The following EPN2 variants were observed in gnomAD, a reference collection of about 807,000 sequenced individuals.
EPN2 encodes the protein epsin 2, also known as epsin-2.
A neutral mutation model predicts 61.7 loss-of-function variants in EPN2; 34 were observed. The ratio of observed to expected loss-of-function variants is 0.55; its 90% CI spans 0.42 to 0.73. The LOEUF (loss-of-function observed/expected upper bound fraction) is 0.73, where lower values mean the gene tolerates loss of function less well. Among genes scored for constraint, EPN2 ranks in the 30% least tolerant of loss-of-function variants. EPN2 has a pLI of 0.00. For synonymous variants in EPN2, 349 were observed against 353.6 expected, an observed-to-expected ratio of 0.99 and a Z score of 0.15; for missense variants, 714 against 839.2, an observed-to-expected ratio of 0.85 and a Z score of 1.84.
chr17:19,250,120 G>T (rs1284936736), intron 1 of EPN2, among the ~76,000 whole-genome samples: 2 of 150,812 alleles, frequency 1.3e-5, no homozygotes, highest in Non-Finnish European at 1.5e-5. Context: ...TTCAGACGGA[G>T]CCTCTCTCTG....
chr17:19,260,868 A>G (rs1473860765), intron 1 of EPN2, among the ~76,000 whole-genome samples: 1 of 152,064 alleles, frequency 6.6e-6, no homozygotes, highest in Non-Finnish European at 1.5e-5. Context: ...GAAAGATAGC[A>G]TTCTGTGTGT....
Position 19,283,125 on chromosome 17 carries a change from G to T in EPN2, c.6G>T (p.Thr2=). 1 of 1,603,666 alleles carries T rather than the reference G, an allele frequency of 6.2e-7. No homozygotes were observed. The highest frequency in any genetic ancestry group is 1.1e-5 in the South Asian group (1 of 89,894). Reference sequence around the variant, plus strand: ...TTATAACAAAGAAAATAAAAATGACGACTTCGTCTATCAGACGGCAGATGA... The same window carrying T: ...TTATAACAAAGAAAATAAAAATGACTACTTCGTCTATCAGACGGCAGATGA... M[T]TSSIRRQMKN... Residue 2 remains threonine, a synonymous_variant, in exon 3 of 11, where the codon ACG becomes ACT. Transcript: ENST00000314728. This position sits in a 1 kb window ranked among gnomAD's most constrained non-coding sequence, Gnocchi z 7.0.
At chr17:19,312,440 C>G (rs1906186909) in intron 6 of EPN2, among the ~76,000 whole-genome samples, 1 of 152,214 alleles carries the variant, frequency 6.6e-6, no homozygotes, top group Non-Finnish European at 1.5e-5. Flanking sequence ...GAGCTACATG[C>G]CAGGGGCTGC....
intron 1 of EPN2, among the ~76,000 whole-genome samples, chr17:19,252,597 A>C (rs1215768713): frequency 6.6e-6 from 1 of 152,186 alleles, no homozygotes; most frequent in Non-Finnish European, 1.5e-5. Flanking sequence ...TTTTAAGTGA[A>C]GACTGACCAC....
rs901657553 is a variant in EPN2, at chr17:19,237,465, CG to C, written c.-359del. On this transcript the variant is annotated 5_prime_UTR_variant, in exon 1 of 11. Coordinates refer to ENST00000314728, the MANE Select transcript of EPN2 (RefSeq NM_014964.5). ...TGGCGGCGGCTCCGCGGGCTACGGTCGCTCCCGCCTCTCGAGCGCTGCCGGT... is the reference window on the plus strand; with the variant it reads ...TGGCGGCGGCTCCGCGGGCTACGGTCCTCCCGCCTCTCGAGCGCTGCCGGT... 1.6e-4 allele frequency: 24 copies of C among 152,304 alleles called. No individual in the cohort carries two copies. The highest frequency in any genetic ancestry group is 5.8e-4 in the African/African-American group (24 of 41,548). The allele number at this position is 152,304 out of a possible 1,614,324, so 9.4% of individuals were successfully genotyped here.
intron 1 of EPN2, among the ~76,000 whole-genome samples, chr17:19,271,945 C>T (rs866914507): frequency 3.0e-4 from 46 of 152,342 alleles, no homozygotes; most frequent in Admixed American, 7.2e-4. Flanking sequence ...AGGCTCCTCG[C>T]GAGATGGCGA....
At chr17:19,330,571 T>G (rs1023308402) in intron 9 of EPN2, 1 of 152,392 alleles carries the variant, frequency 6.6e-6, no homozygotes, top group Non-Finnish European at 1.5e-5. Context: ...TTTTGGGTCT[T>G]TCCTTTGCTG....
intron 4 of EPN2, among the ~76,000 whole-genome samples, chr17:19,294,253 A>AC (rs2045493603): frequency 3.9e-5 from 1 of 25,420 alleles, no homozygotes; most frequent in South Asian, 5.9e-4. Flanking sequence ...CCCCATCGCT[A>AC]CAAAAAAAAA....
chr17:19,266,908 C>T (rs1308170478), intron 1 of EPN2, among the ~76,000 whole-genome samples: 1 of 148,312 alleles, frequency 6.7e-6, no homozygotes, highest in Non-Finnish European at 1.5e-5. Flanking sequence ...CTGAACCTGC[C>T]GGGCACGGTG....
intron 9 of EPN2, 33 bp from the exon 10 acceptor site, chr17:19,331,820 A>C (rs756347857): frequency 6.3e-7 from 1 of 1,583,958 alleles, no homozygotes; most frequent in African/African-American, 1.3e-5. Flanking sequence ...TCCCTGCCAC[A>C]CTCACCCTGC....
At chr17:19,276,777 T>TTTTTTTTTTTTTG (rs1555598444) in intron 1 of EPN2, among the ~76,000 whole-genome samples, 18 of 148,290 alleles carry the variant, frequency 1.2e-4, no homozygotes, top group African/African-American at 4.2e-4. Flanking sequence ...GAATAAGTTT[T>TTTTTTTTTTTTTG]TTTTTTTTTT....
intron 1 of EPN2, among the ~76,000 whole-genome samples, chr17:19,264,643 C>A (rs2045177159): frequency 6.6e-6 from 1 of 151,998 alleles, no homozygotes; most frequent in Admixed American, 6.6e-5. Context: ...ATTCATAGGC[C>A]ATGTTTTATG....
chr17:19,257,085 T>C (rs1014720371), intron 1 of EPN2, among the ~76,000 whole-genome samples: 1 of 152,150 alleles, frequency 6.6e-6, no homozygotes, highest in African/African-American at 2.4e-5. Flanking sequence ...GACTGCAAAG[T>C]GTTGGGTAGA....
chr17:19,243,387 T>TC (rs2044907778), intron 1 of EPN2, among the ~76,000 whole-genome samples: 1 of 122,724 alleles, frequency 8.1e-6, no homozygotes, highest in Non-Finnish European at 1.7e-5. Context: ...CTGGCTAATT[T>TC]TTTTTTTTTT....
intron 1 of EPN2, chr17:19,248,560 C>G (rs951146693): frequency 2.0e-5 from 3 of 152,120 alleles, no homozygotes; most frequent in African/African-American, 7.2e-5. Flanking sequence ...TAGTCAAAGT[C>G]TAGAAGTGGG....
At chr17:19,246,680 C>G (rs1313340056) in intron 1 of EPN2, among the ~76,000 whole-genome samples, 3 of 150,500 alleles carry the variant, frequency 2.0e-5, no homozygotes, top group African/African-American at 4.9e-5. Context: ...TTCCGCCCCC[C>G]CCAAAAAAAT....
At position 19,334,023 on chromosome 17, in the gene EPN2, C is replaced by A. The variant is rs754582375; in HGVS notation, c.1695C>A (p.Asn565Lys). 6.2e-7 allele frequency: 1 copy of A among 1,600,836 alleles called. No homozygotes were observed. The highest frequency in any genetic ancestry group is 8.5e-7 in the Non-Finnish European group (1 of 1,171,566). The change falls in exon 11 of 11, where the codon AAC becomes AAA. Residue 565 changes from asparagine (N) to lysine (K), a missense_variant. Physicochemically the swap from Asn to Lys is moderately conservative, Grantham distance 94. Transcript: ENST00000314728. This position sits in a 1 kb window ranked among gnomAD's most constrained non-coding sequence, Gnocchi z 4.9. Reference sequence around the variant, plus strand: ...ACCAGCCCCAGCCGCTGACACTGAACCAGCTTCGGGGGAGCCCAGTCCTGG... The same window carrying A: ...ACCAGCCCCAGCCGCTGACACTGAAACAGCTTCGGGGGAGCCCAGTCCTGG... ...QVNQPQPLTL[N>K]QLRGSPVLGT...
chr17:19,334,120 C>G lies in EPN2; in HGVS notation c.1792C>G (p.Pro598Ala), dbSNP rs1398316948. The change falls in exon 11 of 11, where the codon CCA (proline) becomes GCA (alanine). Residue 598 changes from proline to alanine, a missense_variant. Pro to Ala is a conservative substitution (Grantham distance 27, BLOSUM62 -1). This residue lies in a region of EPN2 where 410 missense variants were observed against 421.8 expected (regional missense o/e 0.97). Coordinates refer to ENST00000314728, the MANE Select transcript of EPN2 (RefSeq NM_014964.5). The surrounding 1 kb of genome is among the most constrained non-coding windows in gnomAD (Gnocchi z 4.9). ...MAVASMTSAA[P>A]QPALGATGSS... ...TGTGGCCTCGATGACCTCCGCGGCC[C>G]CACAGCCAGCTCTGGGGGCCACTGG... is the stretch of plus-strand genomic sequence containing the variant. 1.2e-6 allele frequency: 2 copies of G among 1,607,240 alleles called. No homozygotes were observed. The highest frequency in any genetic ancestry group is 2.7e-5 in the African/African-American group (2 of 74,964).
chr17:19,240,177 T>C (rs1446105176), intron 1 of EPN2, among the ~76,000 whole-genome samples: 3 of 152,284 alleles, frequency 2.0e-5, no homozygotes, highest in African/African-American at 7.2e-5. Context: ...AGGACCACGA[T>C]TGTTGTCATT....
Sources: allele counts gnomAD v4.1 joint callset (sites outside exome capture counted in the v4.1 genomes callset), GRCh38; gene constraint gnomAD v4.1.1; regional missense constraint gnomAD v4.1.1; non-coding constraint Gnocchi (gnomAD v3.1); transcripts MANE v1.5; gene names NCBI Gene and HGNC (gene_info 2026-07-23, HGNC 2026-07-21).